SLC30A8: variants seen among roughly 807,000 people sequenced by gnomAD.
SLC30A8 encodes the protein solute carrier family 30 member 8, also known as proton-coupled zinc antiporter SLC30A8.
SLC30A8 carries 27 observed loss-of-function variants against 36.9 expected under a neutral mutation model. The observed-to-expected ratio is 0.73, with a 90% confidence interval of 0.54 to 1.01. The LOEUF (loss-of-function observed/expected upper bound fraction) is 1.01, where lower values mean the gene tolerates loss of function less well. Among genes scored for constraint, SLC30A8 ranks in the 50% least tolerant of loss-of-function variants. The probability of loss-of-function intolerance (pLI) is 0.00; values close to 1 mark genes in which losing one functional copy is unlikely to be tolerated. For synonymous variants in SLC30A8, 164 were observed against 172.4 expected (o/e 0.95, Z 0.38); for missense variants, 439 against 452.0 (o/e 0.97, Z 0.26).
chr8:117,118,271 A>C (rs1359913301), intron 2 of SLC30A8, among the ~76,000 whole-genome samples: 1 of 151,822 alleles, frequency 6.6e-6, no homozygotes, highest in Non-Finnish European at 1.5e-5. Context: ...CCCATCTGTC[A>C]TCATTGGTCT....
chr8:117,175,515 C>T lies in SLC30A8; in HGVS notation c.*2834C>T, dbSNP rs1425371846. The T allele has an allele frequency of 1.3e-5, 2 of 152,098 alleles. No homozygotes were observed. The highest frequency in any genetic ancestry group is 2.9e-5 in the Non-Finnish European group (2 of 68,010). 9.4% of individuals were successfully genotyped at this position (152,098 alleles called of 1,614,324 possible). ...TAGATTGTCTGAGTTTGAATCTTAG[C>T]TCTTCCCTTTATTAGCTCTGTGACC... On this transcript the variant is annotated 3_prime_UTR_variant, in exon 8 of 8. Transcript: ENST00000456015.
chr8:116,960,370 A>G (rs932172202), intron 1 of SLC30A8, among the ~76,000 whole-genome samples: 4 of 152,238 alleles, frequency 2.6e-5, no homozygotes, highest in Admixed American at 6.5e-5. Context: ...AGAAAGTTCA[A>G]AAGGTCTTGT....
In SLC30A8 at chr8:116,976,289, A is replaced by T. The variant is rs190854544; in HGVS notation, c.-266+25170A>T. On this transcript the variant is annotated intron_variant, in intron 1 of 10. Transcript: ENST00000427715. ...CAAGGTATAAATGCTCCCACCCATG[A>T]CCTATTTCATGATACCTACAGGGTG... Among the ~76,000 whole-genome samples the T allele has an allele frequency of 3.4e-5, 5 of 149,004 alleles. No individual in the cohort carries two copies. In the East Asian group the frequency reaches 9.9e-4, roughly 29 times the overall value.
chr8:117,139,878 A>AG (rs1554588934), intron 1 of SLC30A8, among the ~76,000 whole-genome samples: 1 of 150,628 alleles, frequency 6.6e-6, no homozygotes, highest in Non-Finnish European at 1.5e-5. Context: ...AAAAAAAAAA[A>AG]GTAGAAACAG....
chr8:116,974,670 A>T (rs949294163), intron 1 of SLC30A8, among the ~76,000 whole-genome samples: 2 of 152,186 alleles, frequency 1.3e-5, no homozygotes, highest in African/African-American at 4.8e-5. Context: ...CATTTGACCC[A>T]GCCATCCCAT....
chr8:116,958,165 G>T (rs867342904), intron 1 of SLC30A8, among the ~76,000 whole-genome samples: 1 of 152,182 alleles, frequency 6.6e-6, no homozygotes, highest in East Asian at 1.9e-4. Context: ...GGGCTGGACC[G>T]CTCTTCTTAT....
chr8:117,150,283 C>T (rs973825261), intron 2 of SLC30A8, among the ~76,000 whole-genome samples: 1 of 152,172 alleles, frequency 6.6e-6, no homozygotes, highest in Non-Finnish European at 1.5e-5. Context: ...GGACACATGG[C>T]TAACGTTGTC....
At chr8:117,076,790 C>G (rs1818503657) in intron 2 of SLC30A8, among the ~76,000 whole-genome samples, 1 of 150,810 alleles carries the variant, frequency 6.6e-6, no homozygotes, top group African/African-American at 2.4e-5. Flanking sequence ...TTTGGCGGCA[C>G]CTATTAAAGT....
intron 2 of SLC30A8, among the ~76,000 whole-genome samples, chr8:117,092,101 G>A (rs1257157549): frequency 2.0e-5 from 3 of 152,102 alleles, no homozygotes; most frequent in African/African-American, 7.2e-5. Context: ...TAAGTAGAAG[G>A]GAGAAAGTAT....
chr8:116,991,347 C>A (rs1206831206), intron 1 of SLC30A8, among the ~76,000 whole-genome samples: 1 of 151,928 alleles, frequency 6.6e-6, no homozygotes, highest in Non-Finnish European at 1.5e-5. Context: ...CTCTTCTCAC[C>A]CAGGCTGGAG....
At chr8:117,075,276 C>T (rs1048528293) in intron 2 of SLC30A8, among the ~76,000 whole-genome samples, 2 of 152,158 alleles carry the variant, frequency 1.3e-5, no homozygotes, top group Non-Finnish European at 2.9e-5. Flanking sequence ...CAAAATATTA[C>T]TGGAAATCCT....
At chr8:117,045,867 T>C (rs1314753351) in intron 2 of SLC30A8, among the ~76,000 whole-genome samples, 1 of 151,734 alleles carries the variant, frequency 6.6e-6, no homozygotes, top group Non-Finnish European at 1.5e-5. Flanking sequence ...TGGCATGGTC[T>C]CTTTCTGCCT....
intron 4 of SLC30A8, among the ~76,000 whole-genome samples, chr8:117,158,496 T>C (rs1036010144): frequency 6.6e-6 from 1 of 152,256 alleles, no homozygotes; most frequent in Non-Finnish European, 1.5e-5. Flanking sequence ...CTTTTATCTT[T>C]GCAGCATTGT....
intron 1 of SLC30A8, among the ~76,000 whole-genome samples, chr8:116,978,834 A>G (rs1160375537): frequency 1.3e-5 from 2 of 152,120 alleles, no homozygotes; most frequent in African/African-American, 2.4e-5. Context: ...ATATATGCAT[A>G]TGCTCACCTA....
At chr8:116,994,553 A>G (rs1815752113) in intron 1 of SLC30A8, among the ~76,000 whole-genome samples, 1 of 152,254 alleles carries the variant, frequency 6.6e-6, no homozygotes, top group Non-Finnish European at 1.5e-5. Context: ...GTAGGATTCT[A>G]TTTGCTCATG....
intron 2 of SLC30A8, among the ~76,000 whole-genome samples, chr8:117,080,423 G>A (rs1412673821): frequency 1.3e-5 from 2 of 152,052 alleles, no homozygotes. Context: ...TGATGCTGTG[G>A]TTTGAGGAAC....
rs374208378 is a variant in SLC30A8, at chr8:117,119,417, T to C, written c.-225-15863T>C. On this transcript the variant is annotated intron_variant, in intron 2 of 10. Transcript: ENST00000427715. ...AAGGGGAAAGGAGACTGCTGGCCAA[T>C]GCCAGGGTTTTGGCTGCTGAAGTAA... Among the ~76,000 whole-genome samples, 21 of 150,272 alleles carry C rather than the reference T, an allele frequency of 1.4e-4. 1 individual carries two copies. In the East Asian group the frequency reaches 2.6e-3, roughly 18 times the overall value.
At chr8:117,170,103 A>G (rs1236274063) in intron 6 of SLC30A8, among the ~76,000 whole-genome samples, 4 of 152,116 alleles carry the variant, frequency 2.6e-5, no homozygotes, top group Non-Finnish European at 5.9e-5. Flanking sequence ...GAATCACCAA[A>G]TGAGCATTGA....
At chr8:117,051,589 G>A (rs746412500) in intron 2 of SLC30A8, among the ~76,000 whole-genome samples, 14 of 152,060 alleles carry the variant, frequency 9.2e-5, no homozygotes, top group African/African-American at 2.7e-4. Flanking sequence ...TGAGGCGGGC[G>A]GATCACAAGG....
Sources: allele counts gnomAD v4.1 joint callset (sites outside exome capture counted in the v4.1 genomes callset), GRCh38; gene constraint gnomAD v4.1.1; transcripts MANE v1.5; gene names NCBI Gene and HGNC (gene_info 2026-07-23, HGNC 2026-07-21).